The following DLG2 variants were observed in gnomAD, a reference collection of about 807,000 sequenced individuals.
DLG2 encodes discs large MAGUK scaffold protein 2.
In DLG2, 45 loss-of-function variants were observed where a neutral mutation model predicts 132.5. That is an observed-to-expected ratio of 0.34 (90% CI 0.27 to 0.44). The LOEUF (loss-of-function observed/expected upper bound fraction) is 0.44, where lower values mean the gene tolerates loss of function less well. Ranked by LOEUF, DLG2 falls within the 20% of genes least tolerant of loss-of-function variation. The pLI is 1.00. For missense variants in DLG2, 1,045 were observed against 1,196.9 expected (o/e 0.87, Z 1.87); for synonymous variants, 424 against 419.6 (o/e 1.01, Z -0.13).
In DLG2 at chr11:83,455,604, G is replaced by A. The variant is rs2088830117; in HGVS notation, c.*4214C>T. The A allele has an allele frequency of 6.6e-6, 1 of 152,652 alleles. No homozygotes were observed. The highest frequency in any genetic ancestry group is 2.4e-5 in the African/African-American group (1 of 41,456). 9.5% of individuals were successfully genotyped at this position (152,652 alleles called of 1,614,324 possible). A position where few individuals can be genotyped will look rare whatever the true frequency, so the allele number is the denominator to read the frequency against. ...CTCAGCTGTTACAAGAAACTGCACA[G>A]CTGTACAAGAAATGATTTCCAAAGC... On this transcript the variant is annotated 3_prime_UTR_variant, in exon 28 of 28. Transcript: ENST00000376104.
chr11:84,361,666 A>G (rs141260697), intron 7 of DLG2, among the ~76,000 whole-genome samples: 3 of 152,140 alleles, frequency 2.0e-5, no homozygotes, highest in Admixed American at 2.0e-4. Flanking sequence ...CCAGGTACTT[A>G]TATTTTTGTT....
intron 18 of DLG2, among the ~76,000 whole-genome samples, chr11:83,696,570 G>T (rs567198184): frequency 6.6e-6 from 1 of 152,292 alleles, no homozygotes; most frequent in South Asian, 2.1e-4. Context: ...GAGGAGACTT[G>T]AAGTCCATAA....
intron 8 of DLG2, among the ~76,000 whole-genome samples, chr11:84,213,636 G>A (rs1052942789): frequency 2.0e-5 from 3 of 151,976 alleles, no homozygotes; most frequent in Admixed American, 6.6e-5. Context: ...TGGCTAACAT[G>A]GTCAAACCCT....
chr11:85,324,968 AG>A (rs1424558525), intron 3 of DLG2, among the ~76,000 whole-genome samples: 2 of 147,412 alleles, frequency 1.4e-5, no homozygotes, highest in Middle Eastern at 3.4e-3. Context: ...GGGAAGCGCA[AG>A]GGGTCAGGGA....
chr11:84,130,172 G>C (rs1366962187), intron 9 of DLG2, among the ~76,000 whole-genome samples: 1 of 151,860 alleles, frequency 6.6e-6, no homozygotes, highest in Admixed American at 6.6e-5. Context: ...CAAGAAGGGG[G>C]AGTATGAGTC....
Position 84,273,475 on chromosome 11 carries a change from G to C in DLG2, c.520-22184C>G, listed in dbSNP as rs1465634121. ...CAGAGACAGATGTTTTCATCGGGAA[G>C]AATTTTCATTCCTACACTTGTGAAA... On this transcript the variant is annotated intron_variant, in intron 7 of 27. Coordinates refer to ENST00000376104, the MANE Select transcript of DLG2 (RefSeq NM_001142699.3). Among the ~76,000 whole-genome samples, 3 of 152,146 alleles carry C rather than the reference G, an allele frequency of 2.0e-5. No individual in the cohort carries two copies. In the East Asian group the frequency reaches 5.8e-4, roughly 29 times the overall value.
Position 84,779,400 on chromosome 11 carries a change from T to G in DLG2, c.358-244669A>C, listed in dbSNP as rs556726681. Among the ~76,000 whole-genome samples the G allele has an allele frequency of 2.6e-5, 4 of 152,338 alleles. No homozygotes were observed. The South Asian group carries it at 8.3e-4, about 32-fold the overall frequency. On this transcript the variant is annotated intron_variant, in intron 6 of 27. Transcript: ENST00000376104. The stretch of plus-strand genomic sequence containing the variant: ...TTTCTACAAATGCTACTTATTTTTA[T>G]ACATTGATTTTATATCCTACAACTT...
chr11:83,544,607 G>A (rs1238182874), intron 19 of DLG2, among the ~76,000 whole-genome samples: 1 of 152,090 alleles, frequency 6.6e-6, no homozygotes, highest in Non-Finnish European at 1.5e-5. Flanking sequence ...CTGGGAGGTG[G>A]TGATGATAAG....
intron 9 of DLG2, among the ~76,000 whole-genome samples, chr11:84,142,663 A>G (rs1310405723): frequency 6.6e-6 from 1 of 152,152 alleles, no homozygotes; most frequent in Non-Finnish European, 1.5e-5. Flanking sequence ...TAGAACAAAA[A>G]GGCAGAGGAA....
At chr11:85,067,902 A>G (rs895304584) in intron 6 of DLG2, among the ~76,000 whole-genome samples, 6 of 152,106 alleles carry the variant, frequency 3.9e-5, no homozygotes, top group Non-Finnish European at 7.4e-5. Flanking sequence ...AAAATCTCCA[A>G]TAAAATACTG....
chr11:84,013,610 TG>T (rs1475994829), intron 11 of DLG2, among the ~76,000 whole-genome samples: 3 of 152,042 alleles, frequency 2.0e-5, no homozygotes, highest in Non-Finnish European at 4.4e-5. Flanking sequence ...GGCTCACACC[TG>T]TAATCTCAGC....
At chr11:84,846,161 G>T (rs758719359) in intron 6 of DLG2, among the ~76,000 whole-genome samples, 2 of 151,952 alleles carry the variant, frequency 1.3e-5, no homozygotes, top group Non-Finnish European at 2.9e-5. Flanking sequence ...ATTCTTATGA[G>T]GATGAAATAT....
At chr11:84,723,960 C>T (rs2062112614) in intron 6 of DLG2, among the ~76,000 whole-genome samples, 1 of 152,024 alleles carries the variant, frequency 6.6e-6, no homozygotes, top group Non-Finnish European at 1.5e-5. Flanking sequence ...TAATTTTGAT[C>T]TTGTATTTAT....
chr11:85,468,794 T>A (rs1210959263), intron 3 of DLG2, among the ~76,000 whole-genome samples: 1 of 152,156 alleles, frequency 6.6e-6, no homozygotes, highest in East Asian at 1.9e-4. Context: ...TTCTGTTGAT[T>A]TGGGGTGCAG....
At chr11:84,784,240 A>T (rs1335854567) in intron 6 of DLG2, among the ~76,000 whole-genome samples, 1 of 141,004 alleles carries the variant, frequency 7.1e-6, no homozygotes, top group Non-Finnish European at 1.5e-5. Flanking sequence ...TAATTGCTTG[A>T]TCCCGGGTGG....
At chr11:84,150,606 C>T (rs2154250428) in intron 9 of DLG2, among the ~76,000 whole-genome samples, 1 of 152,042 alleles carries the variant, frequency 6.6e-6, no homozygotes, top group Non-Finnish European at 1.5e-5. Flanking sequence ...GCCTTTTATT[C>T]CTTTCTCTTG....
rs746017649 is a variant in DLG2 at position 83,541,199 on chromosome 11, C to T, written c.2117+483G>A. On this transcript the variant is annotated intron_variant, in intron 20 of 27. Coordinates refer to ENST00000376104, the MANE Select transcript of DLG2 (RefSeq NM_001142699.3). ...TGTTTGACAGCTCACATCCCAAGCA[C>T]CTGAATTTGAGATGAAGGTTTTCCA... Among the ~76,000 whole-genome samples, 33 of 152,124 alleles carry T rather than the reference C, an allele frequency of 2.2e-4. 1 individual carries two copies. The highest frequency in any genetic ancestry group is 2.1e-4 in the Non-Finnish European group (14 of 68,040).
intron 18 of DLG2, among the ~76,000 whole-genome samples, chr11:83,646,120 G>A (rs997722567): frequency 6.6e-6 from 1 of 152,120 alleles, no homozygotes; most frequent in African/African-American, 2.4e-5. Flanking sequence ...GCTCGGTTCA[G>A]TGGAGAACTA....
At chr11:84,087,692 G>A (rs140983327) in intron 10 of DLG2, among the ~76,000 whole-genome samples, 30 of 152,278 alleles carry the variant, frequency 2.0e-4, no homozygotes, top group Non-Finnish European at 3.7e-4. Flanking sequence ...TCAATGAAGA[G>A]ATAGGATGAT....
Sources: allele counts gnomAD v4.1 joint callset (sites outside exome capture counted in the v4.1 genomes callset), GRCh38; gene constraint gnomAD v4.1.1; transcripts MANE v1.5; gene names NCBI Gene and HGNC (gene_info 2026-07-23, HGNC 2026-07-21).